ATP2C2: variants seen among roughly 807,000 people sequenced by gnomAD.
The protein encoded by ATP2C2 is calcium-transporting ATPase type 2C member 2.
A neutral mutation model predicts 110.8 loss-of-function variants in ATP2C2; 171 were observed. That is an observed-to-expected ratio of 1.54 (90% CI 1.36 to 1.75). The LOEUF is 1.75. Among genes scored for constraint, ATP2C2 ranks in the 40% most tolerant of loss-of-function variants. The probability of loss-of-function intolerance (pLI) is 0.00; values close to 1 mark genes in which losing one functional copy is unlikely to be tolerated. For missense variants in ATP2C2, 1,963 were observed against 1,235.0 expected (o/e 1.59, Z -8.84); for synonymous variants, 804 against 508.4 (o/e 1.58, Z -7.82).
In ATP2C2 at chr16:84,453,366, A is replaced by G. The variant is rs374586140; in HGVS notation, c.1975A>G (p.Ile659Val). Residue 659 changes from isoleucine to valine, a missense_variant, in exon 20 of 27, where the codon ATC (isoleucine) becomes GTC (valine). Physicochemically the swap from Ile to Val is conservative, Grantham distance 29. Transcript: ENST00000262429. ...CAGCCCAAAGCACAAGCTCAAAATCATCAAGGTTCGCTGGGCAAGGCAGGC... is the reference window on the plus strand; with the variant it reads ...CAGCCCAAAGCACAAGCTCAAAATCGTCAAGGTTCGCTGGGCAAGGCAGGC... ...RTSPKHKLKI[I>V]KALQESGAIV... 27 of 1,614,002 alleles carry G rather than the reference A, an allele frequency of 1.7e-5. No individual in the cohort carries two copies. The African/African-American group carries it at 3.3e-4, about 20-fold the overall frequency.
Position 84,464,046 on chromosome 16 carries a change from G to T in ATP2C2, c.*314G>T. 1 of 225,380 alleles carries T rather than the reference G, an allele frequency of 4.4e-6. No individual in the cohort carries two copies. Among genetic ancestry groups the T allele is most frequent in the Non-Finnish European group, 8.7e-6 (1 of 114,730 alleles). The allele number at this position is 225,380 out of a possible 1,614,324, so 14.0% of individuals were successfully genotyped here. A position where few individuals can be genotyped will look rare whatever the true frequency, so the allele number is the denominator to read the frequency against. ...CTGTGCCACAGCTTGCAGTGAGGCA[G>T]GCCACTCGTGGCAGATACAAGGGGC... On this transcript the variant is annotated 3_prime_UTR_variant, in exon 27 of 27. Coordinates refer to ENST00000262429, the MANE Select transcript of ATP2C2 (RefSeq NM_014861.4).
In ATP2C2 at chr16:84,368,589, C is replaced by G. The variant is rs1249451380; in HGVS notation, c.-27C>G. The G allele has an allele frequency of 3.9e-6, 6 of 1,519,902 alleles. No homozygotes were observed. Among genetic ancestry groups the G allele is most frequent in the South Asian group, 1.2e-5 (1 of 84,480 alleles). 94.2% of individuals were successfully genotyped at this position (1,519,902 alleles called of 1,614,324 possible). A position where few individuals can be genotyped will look rare whatever the true frequency, so the allele number is the denominator to read the frequency against. On this transcript the variant is annotated 5_prime_UTR_variant, in exon 1 of 27. Transcript: ENST00000262429. The stretch of plus-strand genomic sequence containing the variant: ...CCGGGCCTCGCCGGGGACCTAGGGA[C>G]GCAGGCAACGCCTGCGCCCGCTCAC...
intron 11 of ATP2C2, among the ~76,000 whole-genome samples, chr16:84,431,464 C>G (rs917214503): frequency 6.6e-6 from 1 of 152,016 alleles, no homozygotes; most frequent in Non-Finnish European, 1.5e-5. Context: ...CCACTGCACC[C>G]CAACCTGGGC....
intron 11 of ATP2C2, among the ~76,000 whole-genome samples, chr16:84,430,632 A>C (rs1285551277): frequency 2.1e-5 from 2 of 93,792 alleles, no homozygotes; most frequent in Non-Finnish European, 2.2e-5. Flanking sequence ...AGAGTGAGAC[A>C]CCATCTCAAA....
intron 7 of ATP2C2, among the ~76,000 whole-genome samples, chr16:84,420,757 C>T (rs1189063572): frequency 6.6e-6 from 1 of 152,124 alleles, no homozygotes; most frequent in African/African-American, 2.4e-5. Context: ...TTCTTGTTGG[C>T]TGTGACAGTT....
At chr16:84,374,037 C>G (rs1597724471) in intron 1 of ATP2C2, among the ~76,000 whole-genome samples, 1 of 152,186 alleles carries the variant, frequency 6.6e-6, no homozygotes, top group African/African-American at 2.4e-5. Context: ...GTAGAACTGG[C>G]TCGTTCACTT....
At chr16:84,427,320 G>A (rs8063973) in intron 11 of ATP2C2, among the ~76,000 whole-genome samples, 31,045 of 152,144 alleles carry the variant, frequency 0.2, 3,482 homozygotes, top group Non-Finnish European at 0.26. Context: ...AAGGAATGAA[G>A]TACTGATTCA....
chr16:84,429,337 G>C (rs1471139938), intron 11 of ATP2C2, among the ~76,000 whole-genome samples: 2 of 152,084 alleles, frequency 1.3e-5, no homozygotes, highest in Admixed American at 6.6e-5. Flanking sequence ...ATTTTAAGTA[G>C]AGATGGGATT....
intron 6 of ATP2C2, among the ~76,000 whole-genome samples, chr16:84,412,351 CGTGCGTGT>C (rs1567705115): frequency 1.6e-5 from 1 of 63,298 alleles, no homozygotes; most frequent in Non-Finnish European, 3.7e-5. Flanking sequence ...CGTGTGTCTG[CGTGCGTGT>C]GTGCATGTGT....
At chr16:84,430,639 C>CAG (rs1401627618) in intron 11 of ATP2C2, among the ~76,000 whole-genome samples, 1 of 123,540 alleles carries the variant, frequency 8.1e-6, no homozygotes, top group Non-Finnish European at 1.6e-5. Context: ...GACACCATCT[C>CAG]AAAAAAAAAA....
chr16:84,405,107 G>T (rs752622120), intron 2 of ATP2C2, 21 bp from the exon 3 acceptor site: 3 of 1,605,918 alleles, frequency 1.9e-6, no homozygotes, highest in Non-Finnish European at 2.6e-6. Context: ...GAGTGAGCTT[G>T]TGCCTGACCT....
Position 84,425,726 on chromosome 16 carries a change from C to T in ATP2C2, c.920-9C>T. ...TATGGAGATAAGGATGTTTTTGTCT[C>T]TTCCCCAGGTCTCATCATGCTCATT... On this transcript the variant is annotated splice_polypyrimidine_tract_variant and intron_variant, in intron 10 of 26. Transcript: ENST00000262429. The T allele has an allele frequency of 6.2e-7, 1 of 1,613,978 alleles. No homozygotes were observed. Among genetic ancestry groups the T allele is most frequent in the Admixed American group, 1.7e-5 (1 of 60,016 alleles).
At chr16:84,431,529 C>G (rs1266870011) in intron 11 of ATP2C2, among the ~76,000 whole-genome samples, 3 of 151,818 alleles carry the variant, frequency 2.0e-5, no homozygotes, top group African/African-American at 7.3e-5. Context: ...AGGGGATGGA[C>G]TGGAAGAGGT....
rs80149007 is a variant in ATP2C2, at chr16:84,410,600, C to T, written c.450C>T (p.Ile150=). ...TTGTCGTGGTCACTGTCGCCTTCAT[C>T]CAGGTGAGTATTTCCTGAGGTCCCA... ...AVLVVVTVAF[I]QEYRSEKSLE... The change falls in exon 5 of 27, where the codon ATC becomes ATT. Residue 150 remains isoleucine (I), a synonymous_variant. Coordinates refer to ENST00000262429, the MANE Select transcript of ATP2C2 (RefSeq NM_014861.4). The T allele has an allele frequency of 1.2e-6, 2 of 1,614,144 alleles. No homozygotes were observed. Among genetic ancestry groups the T allele is most frequent in the East Asian group, 4.5e-5 (2 of 44,880 alleles).
intron 1 of ATP2C2, among the ~76,000 whole-genome samples, chr16:84,389,715 G>GTTTCC (rs1904533873): frequency 8.2e-6 from 1 of 122,460 alleles, no homozygotes; most frequent in Admixed American, 1.0e-4. Context: ...CACTCTCACT[G>GTTTCC]TTTCCTTTTT....
intron 2 of ATP2C2, among the ~76,000 whole-genome samples, chr16:84,399,103 G>A (rs1045143630): frequency 6.6e-6 from 1 of 152,214 alleles, no homozygotes; most frequent in African/African-American, 2.4e-5. Context: ...ATTAATTCCT[G>A]GCCAGTGCAA....
chr16:84,450,095 CGT>C (rs2150580165), intron 17 of ATP2C2, among the ~76,000 whole-genome samples: 1 of 152,340 alleles, frequency 6.6e-6, no homozygotes, highest in Non-Finnish European at 1.5e-5. Flanking sequence ...TGCGGGAGAG[CGT>C]AATGAGAACG....
chr16:84,388,625 G>T (rs1029869456), intron 1 of ATP2C2, among the ~76,000 whole-genome samples: 1 of 152,190 alleles, frequency 6.6e-6, no homozygotes, highest in Non-Finnish European at 1.5e-5. Context: ...TTATTTGGGT[G>T]TGTGTCTCCA....
chr16:84,396,581 G>A (rs1484208696), intron 1 of ATP2C2, among the ~76,000 whole-genome samples: 1 of 146,408 alleles, frequency 6.8e-6, no homozygotes, highest in African/African-American at 2.5e-5. Context: ...AAGGAAAAGT[G>A]AATTCGGTGT....
Sources: allele counts gnomAD v4.1 joint callset (sites outside exome capture counted in the v4.1 genomes callset), GRCh38; gene constraint gnomAD v4.1.1; transcripts MANE v1.5; gene names NCBI Gene and HGNC (gene_info 2026-07-23, HGNC 2026-07-21).